PTPRR: variants seen among roughly 807,000 people sequenced by gnomAD.
The protein encoded by PTPRR is receptor-type tyrosine-protein phosphatase R.
PTPRR carries 38 observed loss-of-function variants against 77.2 expected under a neutral mutation model. That is an observed-to-expected ratio of 0.49 (90% confidence interval 0.38 to 0.65). The LOEUF (loss-of-function observed/expected upper bound fraction) is 0.65. PTPRR is among the 30% of genes least tolerant of loss of function. The pLI is 0.00. For synonymous variants in PTPRR, 299 were observed against 283.1 expected (o/e 1.06, Z -0.57); for missense variants, 744 against 799.2 (o/e 0.93, Z 0.83).
intron 2 of PTPRR, among the ~76,000 whole-genome samples, chr12:70,869,099 G>A (rs999048890): frequency 9.3e-5 from 14 of 151,088 alleles, no homozygotes; most frequent in Non-Finnish European, 2.1e-4. Flanking sequence ...ACGAGTTAAT[G>A]GGTGCAGCAC....
intron 1 of PTPRR, among the ~76,000 whole-genome samples, chr12:70,912,924 A>G (rs1225311055): frequency 2.6e-5 from 4 of 152,152 alleles, no homozygotes; most frequent in Non-Finnish European, 5.9e-5. Flanking sequence ...CAGCATTTGT[A>G]AATGCCTTGA....
chr12:70,741,191 GA>G (rs1328893739), intron 6 of PTPRR, among the ~76,000 whole-genome samples: 1 of 152,184 alleles, frequency 6.6e-6, no homozygotes, highest in African/African-American at 2.4e-5. Context: ...CTGGTTTCCA[GA>G]AATTATGTTC....
chr12:70,901,308 G>A (rs1457324393), intron 1 of PTPRR, among the ~76,000 whole-genome samples: 3 of 151,426 alleles, frequency 2.0e-5, no homozygotes, highest in Admixed American at 6.6e-5. Context: ...GCACTCCTAC[G>A]TTCACTGAAG....
intron 6 of PTPRR, among the ~76,000 whole-genome samples, chr12:70,727,306 C>T (rs2136868322): frequency 6.6e-6 from 1 of 151,582 alleles, no homozygotes; most frequent in South Asian, 2.1e-4. Context: ...TTTTGCTAAA[C>T]AACTATTGCT....
intron 1 of PTPRR, among the ~76,000 whole-genome samples, chr12:70,913,009 C>G (rs1893722422): frequency 6.6e-6 from 1 of 152,046 alleles, no homozygotes; most frequent in South Asian, 2.1e-4. Flanking sequence ...CTTTCACTAG[C>G]TTTTGAATTT....
intron 1 of PTPRR, among the ~76,000 whole-genome samples, chr12:70,904,178 T>A (rs1893584870): frequency 6.6e-6 from 1 of 151,574 alleles, no homozygotes; most frequent in African/African-American, 2.4e-5. Context: ...AAACACATAC[T>A]TAGCATATGA....
At chr12:70,729,612 G>A (rs1013446509) in intron 6 of PTPRR, among the ~76,000 whole-genome samples, 1 of 152,062 alleles carries the variant, frequency 6.6e-6, no homozygotes, top group African/African-American at 2.4e-5. Context: ...CTTACTTCTA[G>A]ATTATAACTA....
intron 2 of PTPRR, among the ~76,000 whole-genome samples, chr12:70,767,038 C>T (rs191288667): frequency 0.067 from 10,217 of 152,004 alleles, 374 homozygotes; most frequent in Admixed American, 0.086. Flanking sequence ...AAGGAACAAC[C>T]GGTACCAGCC....
At chr12:70,765,001 A>G (rs1565687754) in intron 2 of PTPRR, among the ~76,000 whole-genome samples, 1 of 152,224 alleles carries the variant, frequency 6.6e-6, no homozygotes, top group African/African-American at 2.4e-5. Flanking sequence ...AAATGGTATT[A>G]GTTAAAAAGA....
intron 1 of PTPRR, among the ~76,000 whole-genome samples, chr12:70,897,650 A>G (rs940605143): frequency 1.1e-4 from 17 of 152,100 alleles, no homozygotes; most frequent in African/African-American, 4.1e-4. Flanking sequence ...CCGTCCCATT[A>G]CTGGGTATGT....
At chr12:70,884,833 C>A (rs948562730) in intron 2 of PTPRR, among the ~76,000 whole-genome samples, 1 of 131,288 alleles carries the variant, frequency 7.6e-6, no homozygotes, top group Non-Finnish European at 1.5e-5. Flanking sequence ...GATCGTGCCA[C>A]TGCACTCCAG....
At chr12:70,702,277 G>T (rs1888455730) in intron 6 of PTPRR, among the ~76,000 whole-genome samples, 1 of 152,056 alleles carries the variant, frequency 6.6e-6, no homozygotes, top group Admixed American at 6.6e-5. Flanking sequence ...GGACCAAGGG[G>T]TAACTATGAA....
intron 1 of PTPRR, among the ~76,000 whole-genome samples, chr12:70,904,493 CA>C (rs1182162526): frequency 6.6e-6 from 1 of 151,618 alleles, no homozygotes; most frequent in African/African-American, 2.4e-5. Flanking sequence ...TCTCAAAAGA[CA>C]AAAAAATATA....
chr12:70,761,390 C>T, intron 4 of PTPRR, 81 bp downstream of exon 4: 1 of 1,298,708 alleles, frequency 7.7e-7, no homozygotes, highest in Non-Finnish European at 1.0e-6. Context: ...CAACTTCCAT[C>T]TCAAAGCCTC....
intron 2 of PTPRR, among the ~76,000 whole-genome samples, chr12:70,766,187 A>G (rs1392417619): frequency 6.6e-6 from 1 of 152,236 alleles, no homozygotes; most frequent in African/African-American, 2.4e-5. Flanking sequence ...GAGTTGAGAG[A>G]AGAAGGCTTC....
rs1475818776 is a variant in PTPRR at position 70,734,677 on chromosome 12, G to A, written c.1007+11141C>T. Reference sequence around the variant, plus strand: ...AGTAGAGAAAGGGAAGGCAAGGAAAGGAAAGGAGCAATTACTGTGATTCCT... The same window carrying A: ...AGTAGAGAAAGGGAAGGCAAGGAAAAGAAAGGAGCAATTACTGTGATTCCT... On this transcript the variant is annotated intron_variant, in intron 6 of 13. Transcript: ENST00000283228. Among the ~76,000 whole-genome samples the A allele has an allele frequency of 2.6e-5, 4 of 152,162 alleles. No homozygotes were observed. The East Asian group carries it at 7.7e-4, about 29-fold the overall frequency.
Position 70,892,789 on chromosome 12 carries a change from A to G in PTPRR, c.247T>C (p.Ser83Pro), listed in dbSNP as rs1893360259. The change falls in exon 2 of 14, where the codon TCA (serine) becomes CCA (proline). Residue 83 changes from serine to proline, a missense_variant. By Grantham distance (74) the Ser-to-Pro change is moderately conservative. Around this residue, in one of 3 missense-constraint regions of PTPRR, gnomAD observed 570 missense variants for 573.2 expected, o/e 0.99. Coordinates refer to ENST00000283228, the MANE Select transcript of PTPRR (RefSeq NM_002849.4). ...QVSKRHQIVN[S>P]AFPRPAYDPS... is the part of the protein sequence containing the mutation. ...TCATATGCGGGTCTAGGAAATGCTG[A>G]ATTGACAATCTGGTGGCGTTTGCTT... 1.2e-6 allele frequency: 2 copies of G among 1,613,532 alleles called. No homozygotes were observed. Among genetic ancestry groups the G allele is most frequent in the Middle Eastern group, 1.7e-4 (1 of 6,060 alleles).
Position 70,661,083 on chromosome 12 carries a change from G to T in PTPRR, c.1623C>A (p.Thr541=). The part of the protein sequence containing the change: ...RNLVLKQGSH[T]QHVKHYWYTS... ...TGTACCAGTAATGCTTCACATGTTG[G>T]GTGTGGCTTCCTTGCTGAAAATAGC... is the stretch of plus-strand genomic sequence containing the variant. Residue 541 remains threonine (T), a synonymous_variant, in exon 12 of 14, where the codon ACC becomes ACA. Coordinates refer to ENST00000283228, the MANE Select transcript of PTPRR (RefSeq NM_002849.4). 1 of 1,610,378 alleles carries T rather than the reference G, an allele frequency of 6.2e-7. No homozygotes were observed. The highest frequency in any genetic ancestry group is 8.5e-7 in the Non-Finnish European group (1 of 1,178,048).
intron 2 of PTPRR, among the ~76,000 whole-genome samples, chr12:70,816,075 T>C (rs1343065250): frequency 1.3e-5 from 2 of 152,184 alleles, no homozygotes; most frequent in Admixed American, 1.3e-4. Flanking sequence ...GGGAGTGGCA[T>C]TGTTTACGGT....
Sources: gnomAD v4.1 joint callset for allele counts (sites outside exome capture counted in the v4.1 genomes callset) on GRCh38, gnomAD v4.1.1 for gene constraint, gnomAD v4.1.1 regional missense constraint, MANE v1.5 for transcripts, NCBI Gene and HGNC (gene_info 2026-07-23, HGNC 2026-07-21) for gene names.